Variants in ARL10 observed in about 807,000 individuals in gnomAD.
ARL10 encodes the protein ADP-ribosylation factor-like protein 10.
In ARL10, 23 loss-of-function variants were observed where a neutral mutation model predicts 26.1. That is an observed-to-expected ratio of 0.88 (90% CI 0.63 to 1.25). ARL10 has a LOEUF of 1.25. ARL10 is among the 50% of genes most tolerant of loss of function. The pLI, the probability that ARL10 is intolerant of heterozygous loss-of-function variation, is 0.00. For missense variants in ARL10, 300 were observed against 323.6 expected, an observed-to-expected ratio of 0.93 and a Z score of 0.56; for synonymous variants, 138 against 149.1, an observed-to-expected ratio of 0.93 and a Z score of 0.54.
the ARL10 span, chr5:176,410,243 A>T: frequency 1.2e-6 from 2 of 1,613,438 alleles, no homozygotes; most frequent in East Asian, 4.5e-5. Context: ...CTGCTGAGAC[A>T]GAGCCTTGCT....
rs947956028 is a variant in ARL10, at chr5:176,381,170, A to G, written c.*9275A>G. On this transcript the variant is annotated 3_prime_UTR_variant, in exon 4 of 4. Coordinates refer to ENST00000310389, the MANE Select transcript of ARL10 (RefSeq NM_173664.6). ...CTACCCAATGCCTCTAACTGGATCC[A>G]TCCAGTTTATTATGGGATGCAGTCC... The G allele has an allele frequency of 6.6e-6, 1 of 152,202 alleles. No homozygotes were observed. The highest frequency in any genetic ancestry group is 2.4e-5 in the African/African-American group (1 of 41,436). 9.4% of individuals were successfully genotyped at this position (152,202 alleles called of 1,614,324 possible).
chr5:176,408,405 G>A, the ARL10 span, among the ~76,000 whole-genome samples: 60 of 151,804 alleles, frequency 4.0e-4, no homozygotes, highest in African/African-American at 1.1e-3. Flanking sequence ...GCGTGGTGGC[G>A]GGTGCCTGTA....
chr5:176,367,160 A>G (rs920064867), intron 2 of ARL10, among the ~76,000 whole-genome samples: 1 of 151,926 alleles, frequency 6.6e-6, no homozygotes, highest in African/African-American at 2.4e-5. Context: ...GGCGCCCGCC[A>G]CCACGCCCGG....
At chr5:176,411,582 T>C in the ARL10 span, among the ~76,000 whole-genome samples, 1 of 152,218 alleles carries the variant, frequency 6.6e-6, no homozygotes, top group Non-Finnish European at 1.5e-5. Context: ...GCTGTGTTTA[T>C]TTGTGTATGT....
downstream of ARL10, among the ~76,000 whole-genome samples, chr5:176,383,454 T>C (rs1248699781): frequency 6.6e-6 from 1 of 152,256 alleles, no homozygotes; most frequent in East Asian, 1.9e-4. Flanking sequence ...GGCCATGCCA[T>C]GTGTAGCCCA....
downstream of ARL10, chr5:176,392,616 G>T (rs765127770): frequency 1.3e-6 from 1 of 750,118 alleles, no homozygotes; most frequent in South Asian, 1.8e-5. This position sits in a 1 kb window ranked among gnomAD's most constrained non-coding sequence, Gnocchi z 5.2. Context: ...GGAGCGAGGC[G>T]TGATGGGGTG....
chr5:176,389,164 A>C (rs530819153), downstream of ARL10, among the ~76,000 whole-genome samples: 2 of 152,176 alleles, frequency 1.3e-5, no homozygotes, highest in East Asian at 3.9e-4. Context: ...TTTGGGGCCT[A>C]AGATTGGGAG....
chr5:176,409,700 C>T, the ARL10 span, among the ~76,000 whole-genome samples: 1 of 152,214 alleles, frequency 6.6e-6, no homozygotes, highest in African/African-American at 2.4e-5. Flanking sequence ...AGGCGTCAGC[C>T]ACTGCACCCG....
rs964238477 is a variant in ARL10 at position 176,375,056 on chromosome 5, T to C, written c.*3161T>C. 2.0e-4 allele frequency: 30 copies of C among 151,140 alleles called. No individual in the cohort carries two copies. Among genetic ancestry groups the C allele is most frequent in the African/African-American group, 7.3e-4 (30 of 40,918 alleles). 9.4% of individuals were successfully genotyped at this position (151,140 alleles called of 1,614,324 possible). On this transcript the variant is annotated 3_prime_UTR_variant, in exon 4 of 4. Transcript: ENST00000310389. ...GCTGCATGAAGTTCCATTACGTGTTTTTGTTGAACACAGGTGGCCTCATCC... is the reference window on the plus strand; with the variant it reads ...GCTGCATGAAGTTCCATTACGTGTTCTTGTTGAACACAGGTGGCCTCATCC...
In ARL10 at chr5:176,380,136, C is replaced by T. The variant is rs928271723; in HGVS notation, c.*8241C>T. ...CATTAGCCTCAAGGAGAAAAGGTAA[C>T]TGAGCAAAAGGGTTACTGTACTCAA... is the stretch of plus-strand genomic sequence containing the variant. On this transcript the variant is annotated 3_prime_UTR_variant, in exon 4 of 4. Coordinates refer to ENST00000310389, the MANE Select transcript of ARL10 (RefSeq NM_173664.6). 7 of 152,146 alleles carry T rather than the reference C, an allele frequency of 4.6e-5. No individual in the cohort carries two copies. The highest frequency in any genetic ancestry group is 1.7e-4 in the African/African-American group (7 of 41,434). The allele number at this position is 152,146 out of a possible 1,614,324, so 9.4% of individuals were successfully genotyped here.
chr5:176,384,325 A>G (rs747177509), downstream of ARL10: 1 of 1,614,174 alleles, frequency 6.2e-7, no homozygotes, highest in East Asian at 2.2e-5. Context: ...CTTACTCCGA[A>G]TCTGTTTTGG....
intron 1 of ARL10, 26 bp from the exon 2 acceptor site, chr5:176,366,354 G>A (rs1448723285): frequency 6.3e-6 from 10 of 1,590,350 alleles, no homozygotes; most frequent in Non-Finnish European, 8.5e-6. Context: ...GCCGCCAGCC[G>A]CAACCTTACC....
downstream of ARL10, among the ~76,000 whole-genome samples, chr5:176,393,163 C>G (rs892764206): frequency 3.3e-5 from 5 of 152,120 alleles, no homozygotes; most frequent in African/African-American, 1.2e-4. The surrounding 1 kb of genome is among the most constrained non-coding windows in gnomAD (Gnocchi z 4.4). Flanking sequence ...CTGGAACACG[C>G]TTCTCCCAGA....
Position 176,381,562 on chromosome 5 carries a change from A to C in ARL10, c.*9667A>C, listed in dbSNP as rs550561274. 1 of 152,338 alleles carries C rather than the reference A, an allele frequency of 6.6e-6. No homozygotes were observed. The highest frequency in any genetic ancestry group is 1.9e-4 in the East Asian group (1 of 5,186). 9.4% of individuals were successfully genotyped at this position (152,338 alleles called of 1,614,324 possible). A position where few individuals can be genotyped will look rare whatever the true frequency, so the allele number is the denominator to read the frequency against. On this transcript the variant is annotated 3_prime_UTR_variant, in exon 4 of 4. Transcript: ENST00000310389. The stretch of plus-strand genomic sequence containing the variant: ...GCAAAGAAACGGAATTGGCATACAG[A>C]GATAGCCTGACTGGCTGCAGTCTGG...
the ARL10 span, among the ~76,000 whole-genome samples, chr5:176,412,977 C>G: frequency 6.6e-6 from 1 of 151,392 alleles, no homozygotes; most frequent in Non-Finnish European, 1.5e-5. Context: ...TGACCAACCC[C>G]AGTCTCAGAC....
chr5:176,388,572 G>A, exon 2 of ARL10: 1 of 1,569,732 alleles, frequency 6.4e-7, no homozygotes, highest in Non-Finnish European at 8.7e-7. Flanking sequence ...GCTCAAACAC[G>A]CTGCCTCTGT....
chr5:176,407,113 C>T, the ARL10 span, among the ~76,000 whole-genome samples: 5 of 152,056 alleles, frequency 3.3e-5, no homozygotes, highest in African/African-American at 4.8e-5. Context: ...GAAAGGAGGC[C>T]CCGGGCTCCT....
At chr5:176,412,163 G>A in the ARL10 span, among the ~76,000 whole-genome samples, 1 of 141,230 alleles carries the variant, frequency 7.1e-6, no homozygotes, top group South Asian at 2.3e-4. Flanking sequence ...GCGACAGAGT[G>A]AGACTCATCT....
Position 176,373,214 on chromosome 5 carries a change from C to T in ARL10, c.*1319C>T. 1 of 395,590 alleles carries T rather than the reference C, an allele frequency of 2.5e-6. No homozygotes were observed. The highest frequency in any genetic ancestry group is 4.5e-6 in the Non-Finnish European group (1 of 224,678). 24.5% of individuals were successfully genotyped at this position (395,590 alleles called of 1,614,324 possible). A position where few individuals can be genotyped will look rare whatever the true frequency, so the allele number is the denominator to read the frequency against. Reference sequence around the variant, plus strand: ...GCCAACGGGATGGCCTTGGGTACATCACTCAGCCTTTCTGGACCCAATTTT... The same window carrying T: ...GCCAACGGGATGGCCTTGGGTACATTACTCAGCCTTTCTGGACCCAATTTT... On this transcript the variant is annotated 3_prime_UTR_variant, in exon 4 of 4. Transcript: ENST00000310389.
Sources: gnomAD v4.1 joint callset for allele counts (sites outside exome capture counted in the v4.1 genomes callset) on GRCh38, gnomAD v4.1.1 for gene constraint, Gnocchi (gnomAD v3.1) non-coding constraint, MANE v1.5 for transcripts, NCBI Gene and HGNC (gene_info 2026-07-23, HGNC 2026-07-21) for gene names.